Variants in CDC7 observed in about 807,000 individuals in gnomAD.
CDC7 encodes the protein cell division cycle 7, also known as cell division cycle 7-related protein kinase.
Under a neutral mutation model 53.5 loss-of-function variants are expected in CDC7, and 34 were observed. The ratio of observed to expected loss-of-function variants is 0.64; its 90% confidence interval spans 0.48 to 0.85. The LOEUF is 0.85. Among genes scored for constraint, CDC7 ranks in the 40% least tolerant of loss-of-function variants. The pLI is 0.00. For missense variants in CDC7, 594 were observed against 679.7 expected (o/e 0.87, Z 1.40); for synonymous variants, 211 against 222.8 (o/e 0.95, Z 0.47).
At chr1:91,503,298 CTT>C (rs1666802372) in intron 2 of CDC7, among the ~76,000 whole-genome samples, 1 of 152,188 alleles carries the variant, frequency 6.6e-6, no homozygotes, top group Non-Finnish European at 1.5e-5. Flanking sequence ...AAACTTTACT[CTT>C]ATGGTTCTTT....
At position 91,514,828 on chromosome 1, in the gene CDC7, C is replaced by G. The variant is rs1667472071; in HGVS notation, c.928C>G (p.Gln310Glu). 1.3e-6 allele frequency: 2 copies of G among 1,585,184 alleles called. No individual in the cohort carries two copies. Among genetic ancestry groups the G allele is most frequent in the Non-Finnish European group, 1.7e-6 (2 of 1,166,722 alleles). Residue 310 changes from glutamine (Q) to glutamate (E), a missense_variant, in exon 9 of 12, where the codon CAG (glutamine) becomes GAG (glutamate). Gln to Glu is a conservative substitution (Grantham distance 29). Transcript: ENST00000234626. ...HESPAVKLMK[Q>E]SKTVDVLSRK... is the part of the protein sequence containing the mutation. ...GACTTTTCTTTTACAGCTCATGAAGCAGTCAAAGACTGTGGATGTACTGTC... is the reference window on the plus strand; with the variant it reads ...GACTTTTCTTTTACAGCTCATGAAGGAGTCAAAGACTGTGGATGTACTGTC...
chr1:91,514,424 A>C (rs549466235), intron 8 of CDC7, among the ~76,000 whole-genome samples: 1 of 152,308 alleles, frequency 6.6e-6, no homozygotes, highest in Non-Finnish European at 1.5e-5. Flanking sequence ...TTTCAGATTG[A>C]CTTATGATAT....
chr1:91,503,936 A>G (rs1297282563), intron 2 of CDC7, among the ~76,000 whole-genome samples: 1 of 152,058 alleles, frequency 6.6e-6, no homozygotes, highest in Admixed American at 6.5e-5. Context: ...TAAATATTCT[A>G]CAACTGGATT....
intron 6 of CDC7, among the ~76,000 whole-genome samples, chr1:91,512,264 A>G (rs1667326199): frequency 6.6e-6 from 1 of 152,108 alleles, no homozygotes. Flanking sequence ...AGCCATGCAC[A>G]GATTATTTCT....
Position 91,524,569 on chromosome 1 carries a change from A to G in CDC7, c.*134A>G. On this transcript the variant is annotated 3_prime_UTR_variant, in exon 12 of 12. Coordinates refer to ENST00000234626, the MANE Select transcript of CDC7 (RefSeq NM_003503.4). ...TTAACATTTTAGTGTTTGGTGGCAC[A>G]TTCTAAAATATAGATTAAGAATACT... The G allele has an allele frequency of 1.5e-6, 1 of 664,668 alleles. No homozygotes were observed. Among genetic ancestry groups the G allele is most frequent in the Admixed American group, 3.0e-5 (1 of 33,252 alleles). The allele number at this position is 664,668 out of a possible 1,614,324, so 41.2% of individuals were successfully genotyped here. A position where few individuals can be genotyped will look rare whatever the true frequency, so the allele number is the denominator to read the frequency against.
At chr1:91,501,149 G>C (rs1260794062) in intron 1 of CDC7, 1 of 152,334 alleles carries the variant, frequency 6.6e-6, no homozygotes, top group Non-Finnish European at 1.5e-5. Context: ...GGTCCTTCCC[G>C]GCTGAGCTCG....
In CDC7 at chr1:91,524,629, A is replaced by G. The variant is rs1668167641; in HGVS notation, c.*194A>G. ...TGGGATAGTTCTTGGGACTAACAAC[A>G]TGATCTTCTTTGAGTTAAACCTACC... On this transcript the variant is annotated 3_prime_UTR_variant, in exon 12 of 12. Coordinates refer to ENST00000234626, the MANE Select transcript of CDC7 (RefSeq NM_003503.4). 5.7e-6 allele frequency: 3 copies of G among 522,986 alleles called. No individual in the cohort carries two copies. The highest frequency in any genetic ancestry group is 6.6e-6 in the Non-Finnish European group (2 of 303,126). 32.4% of individuals were successfully genotyped at this position (522,986 alleles called of 1,614,324 possible). A position where few individuals can be genotyped will look rare whatever the true frequency, so the allele number is the denominator to read the frequency against.
chr1:91,501,777 C>A lies in CDC7; in HGVS notation c.61C>A (p.Arg21=). The change falls in exon 2 of 12, where the codon CGG becomes AGG. Residue 21 remains arginine, a synonymous_variant. Transcript: ENST00000234626. ...EPMAFSPQRD[R]FQAEGSLKKN... is the part of the protein sequence containing the mutation. ...AATGGCTTTTTCTCCCCAGCGTGAC[C>A]GGTTTCAGGCTGAAGGCTCTTTAAA... 1 of 1,613,888 alleles carries A rather than the reference C, an allele frequency of 6.2e-7. No homozygotes were observed. Among genetic ancestry groups the A allele is most frequent in the Non-Finnish European group, 8.5e-7 (1 of 1,179,968 alleles).
intron 3 of CDC7, 45 bp downstream of exon 3, chr1:91,507,982 C>A: frequency 6.7e-7 from 1 of 1,492,744 alleles, no homozygotes; most frequent in South Asian, 1.3e-5. Flanking sequence ...GGTCTTTTTT[C>A]CATTCTATTT....
chr1:91,522,058 G>A (rs1294151718), intron 11 of CDC7, among the ~76,000 whole-genome samples: 1 of 152,064 alleles, frequency 6.6e-6, no homozygotes, highest in Non-Finnish European at 1.5e-5. Flanking sequence ...CCAGCTACTC[G>A]GGAGGCTGAG....
chr1:91,501,875 A>G (rs753110282), intron 2 of CDC7, 44 bp downstream of exon 2: 1 of 1,360,988 alleles, frequency 7.3e-7, no homozygotes, highest in Admixed American at 1.7e-5. Flanking sequence ...AAGATTTTTC[A>G]GGCAACAATT....
chr1:91,508,013 T>C, intron 3 of CDC7, 76 bp downstream of exon 3: 1 of 1,221,976 alleles, frequency 8.2e-7, no homozygotes, highest in Non-Finnish European at 1.1e-6. Context: ...GTCTTGGTTT[T>C]CATTACTATT....
chr1:91,509,388 A>G (rs1024160198), intron 4 of CDC7, among the ~76,000 whole-genome samples: 1 of 151,282 alleles, frequency 6.6e-6, no homozygotes. Context: ...AAAAAAAAAA[A>G]CACCACAACA....
Position 91,500,957 on chromosome 1 carries a change from C to T in CDC7, c.-64+9C>T, listed in dbSNP as rs1182967521. 6.6e-6 allele frequency: 1 copy of T among 152,254 alleles called. No homozygotes were observed. The highest frequency in any genetic ancestry group is 6.5e-5 in the Admixed American group (1 of 15,292). The allele number at this position is 152,254 out of a possible 1,614,324, so 9.4% of individuals were successfully genotyped here. A position where few individuals can be genotyped will look rare whatever the true frequency, so the allele number is the denominator to read the frequency against. On this transcript the variant is annotated intron_variant, in intron 1 of 11. Transcript: ENST00000234626. ...TCGTACTCCCTTAAACCGTGAGTTT[C>T]CGACGGTTTGTTCCATGGCGCGGGA...
rs138583136 is a variant in CDC7, at chr1:91,510,678, G to T, written c.336-919G>T. 6.6e-4 allele frequency among the ~76,000 whole-genome samples: 101 copies of T among 152,194 alleles called. No individual in the cohort carries two copies. The East Asian group carries it at 0.016, about 24-fold the overall frequency. Reference sequence around the variant, plus strand: ...GCTTAAAAAAGTACATGCTAAAAATGCCTTCATCTGATCTTACAATGCAGT... The same window carrying T: ...GCTTAAAAAAGTACATGCTAAAAATTCCTTCATCTGATCTTACAATGCAGT... On this transcript the variant is annotated intron_variant, in intron 4 of 11. Coordinates refer to ENST00000234626, the MANE Select transcript of CDC7 (RefSeq NM_003503.4).
chr1:91,518,756 G>A (rs951033143), intron 10 of CDC7, among the ~76,000 whole-genome samples: 1 of 152,050 alleles, frequency 6.6e-6, no homozygotes, highest in Admixed American at 6.6e-5. Context: ...AGGGTGTGGG[G>A]GATGTGGGGA....
chr1:91,524,296 A>G lies in CDC7; in HGVS notation c.1586A>G (p.Asn529Ser), dbSNP rs79748782. The G allele has an allele frequency of 1.2e-4, 193 of 1,614,124 alleles. 3 individuals carry two copies. In the East Asian group the frequency reaches 4.3e-3, roughly 36 times the overall value. ...TGTGAGCATTGTTTTGATGAGTATA[A>G]TACCAATTTAGAAGGCTGGAATGAG... ...NSCEHCFDEY[N>S]TNLEGWNEVP... The change falls in exon 12 of 12, where the codon AAT becomes AGT. Residue 529 changes from asparagine (N) to serine (S), a missense_variant. By Grantham distance (46) the Asn-to-Ser change is conservative. Coordinates refer to ENST00000234626, the MANE Select transcript of CDC7 (RefSeq NM_003503.4).
At chr1:91,514,230 G>A (rs1317532754) in intron 8 of CDC7, among the ~76,000 whole-genome samples, 187 bp downstream of exon 8, 1 of 152,036 alleles carries the variant, frequency 6.6e-6, no homozygotes, top group Non-Finnish European at 1.5e-5. Context: ...GAACTTTTCT[G>A]GTGGAATTTT....
intron 10 of CDC7, among the ~76,000 whole-genome samples, chr1:91,518,817 T>C (rs1667742710): frequency 6.6e-6 from 1 of 152,060 alleles, no homozygotes; most frequent in African/African-American, 2.4e-5. Flanking sequence ...TCCAGCACTT[T>C]GGGAGGCCAA....
Sources: gnomAD v4.1 joint callset for allele counts (sites outside exome capture counted in the v4.1 genomes callset) on GRCh38, gnomAD v4.1.1 for gene constraint, MANE v1.5 for transcripts, NCBI Gene and HGNC (gene_info 2026-07-23, HGNC 2026-07-21) for gene names.